The following NUFIP2 variants were observed in gnomAD, a reference collection of about 807,000 sequenced individuals.
The protein encoded by NUFIP2 is nuclear FMR1 interacting protein 2.
NUFIP2 carries 6 observed loss-of-function variants against 56.9 expected under a neutral mutation model. That is an observed-to-expected ratio of 0.11 (90% CI 0.06 to 0.21). NUFIP2 has a LOEUF of 0.21. Ranked by LOEUF, NUFIP2 falls within the 10% of genes least tolerant of loss-of-function variation. NUFIP2 has a pLI of 1.00. For synonymous variants in NUFIP2, 321 were observed against 298.2 expected (o/e 1.08, Z -0.79); for missense variants, 828 against 826.8 (o/e 1.00, Z -0.02).
At chr17:29,278,153 A>T (rs572715083) in intron 2 of NUFIP2, among the ~76,000 whole-genome samples, 2 of 152,268 alleles carry the variant, frequency 1.3e-5, no homozygotes. Flanking sequence ...GGATAAGAAG[A>T]ATTATCCAGA....
At position 29,258,093 on chromosome 17, in the gene NUFIP2, G is replaced by A. The variant is rs2068980781; in HGVS notation, c.*6446C>T. 1.3e-5 allele frequency: 2 copies of A among 151,792 alleles called. No individual in the cohort carries two copies. Among genetic ancestry groups the A allele is most frequent in the Admixed American group, 1.3e-4 (2 of 15,250 alleles). The allele number at this position is 151,792 out of a possible 1,614,324, so 9.4% of individuals were successfully genotyped here. On this transcript the variant is annotated 3_prime_UTR_variant, in exon 4 of 4. Coordinates refer to ENST00000225388, the MANE Select transcript of NUFIP2 (RefSeq NM_020772.3). ...TTTTTTTTTTTTAATATACATGCAA[G>A]GCACATTGATATAAAAATAGATCTC...
chr17:29,264,669 A>C, intron 3 of NUFIP2, 78 bp from the exon 4 acceptor site: 1 of 958,386 alleles, frequency 1.0e-6, no homozygotes, highest in Non-Finnish European at 1.6e-6. Flanking sequence ...ATCCCAAATA[A>C]CCATCATTTA....
intron 1 of NUFIP2, 42 bp from the exon 2 acceptor site, chr17:29,287,758 C>T: frequency 2.7e-6 from 4 of 1,503,152 alleles, no homozygotes; most frequent in Non-Finnish European, 3.6e-6. Flanking sequence ...AAAATCACAA[C>T]ATGTAAATTA....
At chr17:29,278,652 T>C (rs986394264) in intron 2 of NUFIP2, among the ~76,000 whole-genome samples, 2 of 151,120 alleles carry the variant, frequency 1.3e-5, no homozygotes, top group Non-Finnish European at 2.9e-5. Flanking sequence ...TAATAAACAA[T>C]TTCTGGTTTT....
Position 29,256,731 on chromosome 17 carries a change from A to T in NUFIP2, c.*7808T>A, listed in dbSNP as rs1191114827. 6.6e-6 allele frequency: 1 copy of T among 152,196 alleles called. No homozygotes were observed. Among genetic ancestry groups the T allele is most frequent in the African/African-American group, 2.4e-5 (1 of 41,446 alleles). The allele number at this position is 152,196 out of a possible 1,614,324, so 9.4% of individuals were successfully genotyped here. A position where few individuals can be genotyped will look rare whatever the true frequency, so the allele number is the denominator to read the frequency against. On this transcript the variant is annotated 3_prime_UTR_variant, in exon 4 of 4. Coordinates refer to ENST00000225388, the MANE Select transcript of NUFIP2 (RefSeq NM_020772.3). ...GGGTAGTAGTACATCTACACATTAT[A>T]AGTACACATACACAAAGTAAAGCTA...
In NUFIP2 at chr17:29,286,743, C is replaced by A. The variant is rs753594345; in HGVS notation, c.1251G>T (p.Gly417=). Residue 417 remains glycine, a synonymous_variant, in exon 2 of 4, where the codon GGG becomes GGT. Transcript: ENST00000225388. ...KSVTSANFSN[G]PVLAGTDGNV... ...TTCCATCAGTCCCTGCTAAAACAGG[C>A]CCATTAGAAAAGTTGGCAGAAGTAA... 1.4e-5 allele frequency: 22 copies of A among 1,613,876 alleles called. No homozygotes were observed. The highest frequency in any genetic ancestry group is 1.9e-5 in the Non-Finnish European group (22 of 1,179,998).
intron 1 of NUFIP2, among the ~76,000 whole-genome samples, chr17:29,289,465 G>A (rs1261914433): frequency 2.0e-5 from 3 of 152,128 alleles, no homozygotes; most frequent in Non-Finnish European, 2.9e-5. Context: ...GGTGGTGCAC[G>A]CCTGTAATCC....
chr17:29,283,997 T>G (rs2069155572), intron 2 of NUFIP2, among the ~76,000 whole-genome samples: 1 of 152,230 alleles, frequency 6.6e-6, no homozygotes, highest in Non-Finnish European at 1.5e-5. Context: ...TCTTCCAGCT[T>G]GCAGATAAGG....
At position 29,259,765 on chromosome 17, in the gene NUFIP2, C is replaced by T. The variant is rs1598427570; in HGVS notation, c.*4774G>A. The T allele has an allele frequency of 6.6e-6, 1 of 152,206 alleles. No homozygotes were observed. The highest frequency in any genetic ancestry group is 1.5e-5 in the Non-Finnish European group (1 of 68,040). 9.4% of individuals were successfully genotyped at this position (152,206 alleles called of 1,614,324 possible). On this transcript the variant is annotated 3_prime_UTR_variant, in exon 4 of 4. Coordinates refer to ENST00000225388, the MANE Select transcript of NUFIP2 (RefSeq NM_020772.3). Reference sequence around the variant, plus strand: ...TTCCCAATAATGCAAGAGCAACATACCAATCATGCTGCAATGGGTGTTTTT... The same window carrying T: ...TTCCCAATAATGCAAGAGCAACATATCAATCATGCTGCAATGGGTGTTTTT...
At chr17:29,266,202 G>C (rs952713961) in intron 3 of NUFIP2, among the ~76,000 whole-genome samples, 1 of 152,068 alleles carries the variant, frequency 6.6e-6, no homozygotes. Context: ...CTGAACCTCA[G>C]GTGATCCACC....
At chr17:29,290,396 C>G (rs906911622) in intron 1 of NUFIP2, among the ~76,000 whole-genome samples, 2 of 151,848 alleles carry the variant, frequency 1.3e-5, no homozygotes, top group African/African-American at 4.8e-5. Flanking sequence ...TGGCTCACAT[C>G]TGTAATCCCA....
rs901401498 is a variant in NUFIP2, at chr17:29,260,683, T to C, written c.*3856A>G. On this transcript the variant is annotated 3_prime_UTR_variant, in exon 4 of 4. Coordinates refer to ENST00000225388, the MANE Select transcript of NUFIP2 (RefSeq NM_020772.3). Reference sequence around the variant, plus strand: ...ATGATATTATCACTATGTAATGTTTTTTCAAAATTTTGTATTGTGGACAAC... The same window carrying C: ...ATGATATTATCACTATGTAATGTTTCTTCAAAATTTTGTATTGTGGACAAC... 6.6e-6 allele frequency: 1 copy of C among 152,220 alleles called. No individual in the cohort carries two copies. The highest frequency in any genetic ancestry group is 2.4e-5 in the African/African-American group (1 of 41,458). The allele number at this position is 152,220 out of a possible 1,614,324, so 9.4% of individuals were successfully genotyped here. A position where few individuals can be genotyped will look rare whatever the true frequency, so the allele number is the denominator to read the frequency against.
At chr17:29,280,355 T>C (rs2069132597) in intron 2 of NUFIP2, among the ~76,000 whole-genome samples, 1 of 152,114 alleles carries the variant, frequency 6.6e-6, no homozygotes, top group Non-Finnish European at 1.5e-5. Flanking sequence ...TAAAGTCAAG[T>C]CAAAGAGAGG....
intron 2 of NUFIP2, among the ~76,000 whole-genome samples, chr17:29,280,370 C>T (rs1294696695): frequency 6.6e-6 from 1 of 152,144 alleles, no homozygotes; most frequent in Non-Finnish European, 1.5e-5. Context: ...GAGAGGCTTG[C>T]TAAGCATTCT....
chr17:29,285,939 C>A, intron 2 of NUFIP2, 53 bp downstream of exon 2: 1 of 1,326,514 alleles, frequency 7.5e-7, no homozygotes, highest in Admixed American at 2.2e-5. Context: ...TTAATATAAA[C>A]AATATACTAA....
intron 2 of NUFIP2, among the ~76,000 whole-genome samples, chr17:29,285,293 C>G (rs1428547634): frequency 2.0e-5 from 3 of 150,886 alleles, no homozygotes; most frequent in Non-Finnish European, 4.4e-5. Flanking sequence ...GAGTGAGACT[C>G]TGTCTCAAAA....
intron 2 of NUFIP2, among the ~76,000 whole-genome samples, chr17:29,280,358 A>C (rs141347366): frequency 2.1e-4 from 32 of 152,342 alleles, no homozygotes; most frequent in African/African-American, 7.0e-4. Context: ...AGTCAAGTCA[A>C]AGAGAGGCTT....
In NUFIP2 at chr17:29,255,948, T is replaced by C. The variant is rs2068968955; in HGVS notation, c.*8591A>G. On this transcript the variant is annotated 3_prime_UTR_variant, in exon 4 of 4. Transcript: ENST00000225388. ...AAATAAGTAAATCTGGGTATGGTTGTAGAGTGTTTGTAATTTATATTTTTA... is the reference window on the plus strand; with the variant it reads ...AAATAAGTAAATCTGGGTATGGTTGCAGAGTGTTTGTAATTTATATTTTTA... 1 of 152,226 alleles carries C rather than the reference T, an allele frequency of 6.6e-6. No homozygotes were observed. The highest frequency in any genetic ancestry group is 1.5e-5 in the Non-Finnish European group (1 of 68,032). 9.4% of individuals were successfully genotyped at this position (152,226 alleles called of 1,614,324 possible). A position where few individuals can be genotyped will look rare whatever the true frequency, so the allele number is the denominator to read the frequency against.
At chr17:29,269,522 A>C (rs1459840345) in intron 2 of NUFIP2, among the ~76,000 whole-genome samples, 3 of 147,800 alleles carry the variant, frequency 2.0e-5, no homozygotes, top group Non-Finnish European at 4.5e-5. Context: ...TTTTTTTTGC[A>C]CAGGGGGACA....
Sources: allele counts gnomAD v4.1 joint callset (sites outside exome capture counted in the v4.1 genomes callset), GRCh38; gene constraint gnomAD v4.1.1; transcripts MANE v1.5; gene names NCBI Gene and HGNC (gene_info 2026-07-23, HGNC 2026-07-21).